Variants in RAI1 observed in about 807,000 individuals in gnomAD.
RAI1 encodes retinoic acid induced 1.
Under a neutral mutation model 123.8 loss-of-function variants are expected in RAI1, and 9 were observed. The ratio of observed to expected loss-of-function variants is 0.07; its 90% CI spans 0.04 to 0.13. RAI1 has a LOEUF of 0.13. RAI1 is among the 10% of genes least tolerant of loss of function. The probability of loss-of-function intolerance (pLI) is 1.00; values close to 1 mark genes in which losing one functional copy is unlikely to be tolerated. For missense variants in RAI1, 2,256 were observed against 2,545.8 expected (o/e 0.89, Z 2.45); for synonymous variants, 1,231 against 1,127.3 (o/e 1.09, Z -1.84).
In RAI1 at chr17:17,797,471, C is replaced by T. The variant is rs376509042; in HGVS notation, c.4523C>T (p.Ser1508Phe). ...AAGATGGAGGAGCTGGGCCTGGCCT[C>T]CCAGCCCCCGGAGGGCAGGCCCTGC... Reference protein sequence around the residue: ...KPKMEELGLASQPPEGRPCQP... With the variant: ...KPKMEELGLAFQPPEGRPCQP... Residue 1508 changes from serine (S) to phenylalanine (F), a missense_variant, in exon 3 of 6, where the codon TCC becomes TTC. Ser to Phe is a radical substitution (Grantham distance 155, BLOSUM62 -2). This residue lies in a region of RAI1 where 410 missense variants were observed against 374.6 expected (regional missense o/e 1.09). Coordinates refer to ENST00000353383, the MANE Select transcript of RAI1 (RefSeq NM_030665.4). The T allele has an allele frequency of 3.7e-6, 6 of 1,613,166 alleles. No individual in the cohort carries two copies. Among genetic ancestry groups the T allele is most frequent in the Non-Finnish European group, 5.1e-6 (6 of 1,179,842 alleles).
chr17:17,779,028 G>A (rs770653898), intron 2 of RAI1: 21 of 391,704 alleles, frequency 5.4e-5, no homozygotes, highest in African/African-American at 3.3e-4. Flanking sequence ...ACAGCTGGAC[G>A]CCAGGCCCAG....
chr17:17,683,185 G>A (rs1914504065), intron 1 of RAI1, among the ~76,000 whole-genome samples: 1 of 152,232 alleles, frequency 6.6e-6, no homozygotes, highest in African/African-American at 2.4e-5. Flanking sequence ...TCGCGCTGAC[G>A]TCAGAGCAGG....
chr17:17,717,153 G>A (rs553791797), intron 1 of RAI1, among the ~76,000 whole-genome samples: 1 of 152,172 alleles, frequency 6.6e-6, no homozygotes, highest in Non-Finnish European at 1.5e-5. Context: ...CATGGCTAAG[G>A]GTCAGTCTGT....
In RAI1 at chr17:17,795,810, G is replaced by A. The variant is rs200618301; in HGVS notation, c.2862G>A (p.Glu954=). The A allele has an allele frequency of 3.0e-5, 49 of 1,613,614 alleles. No homozygotes were observed. The highest frequency in any genetic ancestry group is 4.2e-5 in the Non-Finnish European group (49 of 1,180,026). The change falls in exon 3 of 6, where the codon GAG becomes GAA. Residue 954 remains glutamate (E), a synonymous_variant. Transcript: ENST00000353383. The surrounding 1 kb of genome is among the most constrained non-coding windows in gnomAD (Gnocchi z 5.9). The stretch of plus-strand genomic sequence containing the variant: ...TGTCACACATGAAGCCAGGTGAAGA[G>A]GGGCCTGATGGGGAGCGAGCTCCAG... ...SSLSHMKPGE[E]GPDGERAPGD...
intron 1 of RAI1, among the ~76,000 whole-genome samples, chr17:17,699,218 T>G (rs1915135149): frequency 6.6e-6 from 1 of 152,200 alleles, no homozygotes; most frequent in African/African-American, 2.4e-5. Context: ...TCCTCTTCAG[T>G]GCTTTTTGCG....
chr17:17,778,268 C>T (rs1189014949), intron 2 of RAI1: 1 of 185,314 alleles, frequency 5.4e-6, no homozygotes, highest in East Asian at 1.4e-4. Flanking sequence ...GAATGTCCTC[C>T]CCAGCTCTGT....
At chr17:17,767,297 C>T (rs778914779) in intron 2 of RAI1, among the ~76,000 whole-genome samples, 34 of 152,122 alleles carry the variant, frequency 2.2e-4, no homozygotes, top group Non-Finnish European at 4.6e-4. Context: ...AATGTGTAAT[C>T]CCCACACCGT....
intron 4 of RAI1, among the ~76,000 whole-genome samples, chr17:17,805,019 C>T (rs2032568626): frequency 6.6e-6 from 1 of 152,110 alleles, no homozygotes; most frequent in Non-Finnish European, 1.5e-5. Flanking sequence ...TGCACCACCA[C>T]GCTCAGCTAA....
In RAI1 at chr17:17,793,194, C is replaced by G. The variant is rs765224260; in HGVS notation, c.246C>G (p.Ser82Arg). 6.8e-6 allele frequency: 11 copies of G among 1,612,702 alleles called. No homozygotes were observed. In the South Asian group the frequency reaches 1.2e-4, roughly 18 times the overall value. The change falls in exon 3 of 6, where the codon AGC (serine) becomes AGG (arginine). Residue 82 changes from serine (S) to arginine (R), a missense_variant. Physicochemically the swap from Ser to Arg is moderately radical, Grantham distance 110. Around this residue, in one of 7 missense-constraint regions of RAI1, gnomAD observed 336 missense variants for 349.8 expected, o/e 0.96. Transcript: ENST00000353383. ...CCGCCGACAAGTACCACCGAGGCAG[C>G]AAGGCCCTGCCCACACAGCAAGGCC... ...AVAADKYHRG[S>R]KALPTQQGLQ...
rs762958909 is a variant in RAI1 at position 17,794,151 on chromosome 17, G to A, written c.1203G>A (p.Thr401=). 5.6e-6 allele frequency: 9 copies of A among 1,613,802 alleles called. No homozygotes were observed. Among genetic ancestry groups the A allele is most frequent in the Admixed American group, 5.0e-5 (3 of 60,002 alleles). Residue 401 remains threonine, a synonymous_variant, in exon 3 of 6, where the codon ACG becomes ACA. Coordinates refer to ENST00000353383, the MANE Select transcript of RAI1 (RefSeq NM_030665.4). ...TGCCCCTGCTCAATCCCTCCCCAAC[G>A]GATGCCACCAGCTCTGTGGACACCC... ...HFMPLLNPSP[T]DATSSVDTQA...
chr17:17,750,543 G>A (rs528218091), intron 2 of RAI1, among the ~76,000 whole-genome samples: 213 of 151,922 alleles, frequency 1.4e-3, no homozygotes, highest in African/African-American at 5.0e-3. Context: ...CCAACATGGA[G>A]AAACCTTGTC....
chr17:17,792,875 C>T, intron 2 of RAI1, 58 bp from the exon 3 acceptor site: 1 of 880,638 alleles, frequency 1.1e-6, no homozygotes, highest in Non-Finnish European at 1.7e-6. Flanking sequence ...TGCCCCCTCC[C>T]TGCCCATCCT....
intron 1 of RAI1, among the ~76,000 whole-genome samples, chr17:17,691,896 G>A (rs769233350): frequency 5.9e-5 from 9 of 152,156 alleles, no homozygotes; most frequent in Non-Finnish European, 1.3e-4. Context: ...GTGGGAAAGA[G>A]AAGCAGGAAA....
chr17:17,687,540 G>A (rs912686127), intron 1 of RAI1, among the ~76,000 whole-genome samples: 10 of 152,134 alleles, frequency 6.6e-5, no homozygotes, highest in African/African-American at 1.7e-4. Context: ...GCTTGGGTTC[G>A]CCTCCTAGAG....
At chr17:17,780,951 T>C (rs2031554456) in intron 2 of RAI1, among the ~76,000 whole-genome samples, 1 of 152,134 alleles carries the variant, frequency 6.6e-6, no homozygotes, top group African/African-American at 2.4e-5. Context: ...GAGTCAGCGC[T>C]GTCTTTAATC....
intron 4 of RAI1, among the ~76,000 whole-genome samples, chr17:17,805,170 G>A (rs1384761637): frequency 2.6e-5 from 4 of 152,056 alleles, no homozygotes; most frequent in Admixed American, 6.6e-5. Flanking sequence ...CCCTAGTAGC[G>A]TTTTTAATGT....
intron 1 of RAI1, among the ~76,000 whole-genome samples, chr17:17,700,542 C>G (rs1915184861): frequency 1.3e-5 from 2 of 152,136 alleles, no homozygotes; most frequent in Non-Finnish European, 2.9e-5. Flanking sequence ...TTGCACCTGC[C>G]CGGGCCTGAG....
chr17:17,694,751 AGGCGGGGGGCGAGGCGG>A (rs1914957153), intron 1 of RAI1, among the ~76,000 whole-genome samples: 1 of 149,980 alleles, frequency 6.7e-6, no homozygotes, highest in African/African-American at 2.4e-5. Flanking sequence ...CGCTGAGGCC[AGGCGGGGGGCGAGGCGG>A]GGCGGGCCGC....
Position 17,795,301 on chromosome 17 carries a change from C to A in RAI1, c.2353C>A (p.His785Asn). Residue 785 changes from histidine to asparagine, a missense_variant, in exon 3 of 6, where the codon CAT (histidine) becomes AAT (asparagine). Coordinates refer to ENST00000353383, the MANE Select transcript of RAI1 (RefSeq NM_030665.4). This position sits in a 1 kb window ranked among gnomAD's most constrained non-coding sequence, Gnocchi z 5.9. Reference protein sequence around the residue: ...ASDGISKGDTHEASACLGFQE... With the variant: ...ASDGISKGDTNEASACLGFQE... ...AGATGGCATCAGCAAAGGGGACACC[C>A]ATGAGGCTTCGGCCTGCCTGGGCTT... 1.2e-6 allele frequency: 2 copies of A among 1,609,894 alleles called. No individual in the cohort carries two copies. Among genetic ancestry groups the A allele is most frequent in the Non-Finnish European group, 1.7e-6 (2 of 1,176,740 alleles).
Sources: allele counts gnomAD v4.1 joint callset (sites outside exome capture counted in the v4.1 genomes callset), GRCh38; gene constraint gnomAD v4.1.1; regional missense constraint gnomAD v4.1.1; non-coding constraint Gnocchi (gnomAD v3.1); transcripts MANE v1.5; gene names NCBI Gene and HGNC (gene_info 2026-07-23, HGNC 2026-07-21).